Variants in DENND1A observed in about 807,000 individuals in gnomAD.
The protein encoded by DENND1A is DENN domain-containing protein 1A.
Under a neutral mutation model 113.7 loss-of-function variants are expected in DENND1A, and 51 were observed. The ratio of observed to expected loss-of-function variants is 0.45; its 90% confidence interval spans 0.36 to 0.57. The LOEUF is 0.57. Among genes scored for constraint, DENND1A ranks in the 20% least tolerant of loss-of-function variants. DENND1A has a pLI of 0.00. For missense variants in DENND1A, 1,258 were observed against 1,395.9 expected (o/e 0.90, Z 1.57); for synonymous variants, 565 against 570.8 (o/e 0.99, Z 0.14).
chr9:123,806,590 T>A (rs1289363854), intron 2 of DENND1A, among the ~76,000 whole-genome samples: 1 of 152,174 alleles, frequency 6.6e-6, no homozygotes, highest in East Asian at 1.9e-4. Context: ...AAAAATAACA[T>A]GTTCAGAGTA....
At chr9:123,479,900 C>A (rs2050202126) in intron 13 of DENND1A, among the ~76,000 whole-genome samples, 1 of 152,316 alleles carries the variant, frequency 6.6e-6, no homozygotes, top group South Asian at 2.1e-4. Flanking sequence ...AAAGACCATT[C>A]CAAGAAACTC....
chr9:123,660,025 T>TC (rs1023962397), intron 8 of DENND1A, among the ~76,000 whole-genome samples: 1 of 152,202 alleles, frequency 6.6e-6, no homozygotes, highest in Admixed American at 6.5e-5. Context: ...ACATTTCTTT[T>TC]CTTTTTTTCC....
chr9:123,413,288 AC>A, intron 19 of DENND1A: 1 of 479,414 alleles, frequency 2.1e-6, no homozygotes, highest in Non-Finnish European at 2.7e-6. Flanking sequence ...TAGATTGATT[AC>A]ATGTTGAAAT....
At chr9:123,668,455 G>C (rs1368415990) in intron 7 of DENND1A, among the ~76,000 whole-genome samples, 1 of 152,194 alleles carries the variant, frequency 6.6e-6, no homozygotes, top group African/African-American at 2.4e-5. Context: ...CTCTGTAAAT[G>C]TTATCTCTAA....
chr9:123,652,087 T>C lies in DENND1A; in HGVS notation c.544A>G (p.Asn182Asp). 1 of 1,614,162 alleles carries C rather than the reference T, an allele frequency of 6.2e-7. No individual in the cohort carries two copies. Among genetic ancestry groups the C allele is most frequent in the Non-Finnish European group, 8.5e-7 (1 of 1,180,014 alleles). Residue 182 changes from asparagine to aspartate, a missense_variant, in exon 9 of 24, where the codon AAC becomes GAC. Asn to Asp is a conservative substitution (Grantham distance 23). Transcript: ENST00000394215. ...LTEYFVAVDV[N>D]NMLHLYASML... ...CTGGCGTACAGATGCAACATGTTGT[T>C]AACATCCACAGCCACAAAATATTCT...
intron 1 of DENND1A, among the ~76,000 whole-genome samples, chr9:123,923,294 G>A (rs1856594671): frequency 6.6e-6 from 1 of 152,214 alleles, no homozygotes; most frequent in Admixed American, 6.5e-5. Flanking sequence ...TTCCAGAAAA[G>A]TCATGAAAAT....
chr9:123,576,084 T>C (rs2058620430), intron 12 of DENND1A, among the ~76,000 whole-genome samples: 2 of 152,238 alleles, frequency 1.3e-5, no homozygotes, highest in Non-Finnish European at 2.9e-5. Context: ...TTATTAGCTA[T>C]ATATCTCTGT....
chr9:123,531,629 A>G (rs914350248), intron 13 of DENND1A, among the ~76,000 whole-genome samples: 13 of 151,700 alleles, frequency 8.6e-5, no homozygotes, highest in Admixed American at 3.3e-4. Context: ...TGTTTTACAT[A>G]TAAAATGTCT....
intron 2 of DENND1A, among the ~76,000 whole-genome samples, chr9:123,869,700 TA>T (rs1440494049): frequency 3.3e-5 from 5 of 152,118 alleles, no homozygotes; most frequent in Non-Finnish European, 7.4e-5. Flanking sequence ...CCAACTATAG[TA>T]TCAAGAATCA....
intron 11 of DENND1A, 24 bp from the exon 12 acceptor site, chr9:123,583,294 A>G (rs891009735): frequency 5.7e-6 from 9 of 1,586,518 alleles, no homozygotes; most frequent in Non-Finnish European, 7.8e-6. Context: ...AAAATCCACA[A>G]GAGAAGGTCA....
At chr9:123,850,272 C>G (rs1377895686) in intron 2 of DENND1A, among the ~76,000 whole-genome samples, 1 of 152,178 alleles carries the variant, frequency 6.6e-6, no homozygotes, top group Non-Finnish European at 1.5e-5. Flanking sequence ...ACAGCCATCC[C>G]AGCCTTCAGC....
chr9:123,439,432 A>C (rs1034238875), intron 19 of DENND1A, among the ~76,000 whole-genome samples: 5 of 152,202 alleles, frequency 3.3e-5, no homozygotes, highest in African/African-American at 1.2e-4. Flanking sequence ...TGAATAGCTC[A>C]ATGCCTGGTG....
chr9:123,677,154 G>GACAGAC (rs1385231734), intron 5 of DENND1A, among the ~76,000 whole-genome samples: 22 of 151,462 alleles, frequency 1.5e-4, no homozygotes, highest in East Asian at 5.8e-4. Flanking sequence ...CTCATGATGG[G>GACAGAC]ACAGACACAG....
chr9:123,673,625 C>T (rs575575651), intron 6 of DENND1A, among the ~76,000 whole-genome samples: 1 of 152,152 alleles, frequency 6.6e-6, no homozygotes, highest in Admixed American at 6.5e-5. Context: ...ATTGCTCATG[C>T]CAGGCCCTTT....
chr9:123,454,710 A>C, intron 16 of DENND1A, 29 bp downstream of exon 16: 7 of 1,552,244 alleles, frequency 4.5e-6, no homozygotes, highest in Non-Finnish European at 6.1e-6. Context: ...GAGGGAGTCC[A>C]GGGGGCTCTG....
At chr9:123,387,893 G>T (rs964269571) in intron 21 of DENND1A, 35 bp from the exon 22 acceptor site, 2 of 1,282,574 alleles carry the variant, frequency 1.6e-6, no homozygotes, top group African/African-American at 3.0e-5. Context: ...AAGAGAACAG[G>T]CAGTTAGGGG....
intron 1 of DENND1A, among the ~76,000 whole-genome samples, chr9:123,903,466 T>G (rs972598244): frequency 2.6e-5 from 4 of 151,592 alleles, no homozygotes; most frequent in Non-Finnish European, 4.4e-5. Context: ...GGTACCGGGT[T>G]GATCTCACTA....
chr9:123,724,070 C>A (rs1272193256), intron 5 of DENND1A, among the ~76,000 whole-genome samples: 1 of 152,218 alleles, frequency 6.6e-6, no homozygotes, highest in East Asian at 1.9e-4. Flanking sequence ...AAATTTCCCT[C>A]CCTTCTTCCC....
chr9:123,673,016 G>A (rs931724051), intron 6 of DENND1A, among the ~76,000 whole-genome samples: 2 of 152,142 alleles, frequency 1.3e-5, no homozygotes, highest in African/African-American at 4.8e-5. Flanking sequence ...CCTCAGTCTG[G>A]AACAGCTCCT....
Sources: allele counts gnomAD v4.1 joint callset (sites outside exome capture counted in the v4.1 genomes callset), GRCh38; gene constraint gnomAD v4.1.1; transcripts MANE v1.5; gene names NCBI Gene and HGNC (gene_info 2026-07-23, HGNC 2026-07-21).